The following RIMBP2 variants were observed in gnomAD, a reference collection of about 807,000 sequenced individuals.
RIMBP2 encodes RIMS binding protein 2, also known as RIMS-binding protein 2.
Under a neutral mutation model 118.6 loss-of-function variants are expected in RIMBP2, and 48 were observed. That is an observed-to-expected ratio of 0.40 (90% CI 0.32 to 0.51). The LOEUF (loss-of-function observed/expected upper bound fraction) is 0.51. Among genes scored for constraint, RIMBP2 ranks in the 20% least tolerant of loss-of-function variants. RIMBP2 has a pLI of 0.41. For synonymous variants in RIMBP2, 762 were observed against 742.9 expected, an observed-to-expected ratio of 1.03 and a Z score of -0.42; for missense variants, 1,551 against 1,768.3, an observed-to-expected ratio of 0.88 and a Z score of 2.20.
At position 130,428,343 on chromosome 12, in the gene RIMBP2, G is replaced by A; in HGVS notation, c.2254-6C>T. ...TCTCCATGGCAACAGTGCGGCTGGG[G>A]GCCAAGAAAAGGGGCTACTGAGCGG... is the stretch of plus-strand genomic sequence containing the variant. On this transcript the variant is annotated splice_region_variant and splice_polypyrimidine_tract_variant and intron_variant, in intron 14 of 22. Coordinates refer to ENST00000690449, the MANE Select transcript of RIMBP2 (RefSeq NM_001393629.1). 2 of 1,601,154 alleles carry A rather than the reference G, an allele frequency of 1.2e-6. No homozygotes were observed. Among genetic ancestry groups the A allele is most frequent in the Non-Finnish European group, 1.7e-6 (2 of 1,173,350 alleles).
intron 1 of RIMBP2, among the ~76,000 whole-genome samples, chr12:130,632,387 G>A (rs1461276297): frequency 6.9e-6 from 1 of 144,302 alleles, no homozygotes; most frequent in East Asian, 1.9e-4. Context: ...TGCAAGTGAT[G>A]TACATTTTTT....
chr12:130,481,366 G>A (rs546631082), intron 4 of RIMBP2, among the ~76,000 whole-genome samples: 44 of 152,284 alleles, frequency 2.9e-4, no homozygotes, highest in Non-Finnish European at 2.4e-4. Context: ...TCTGCAAAGC[G>A]CTGTGGTTGG....
At chr12:130,667,686 T>A (rs1405072315) in intron 1 of RIMBP2, 1 of 152,192 alleles carries the variant, frequency 6.6e-6, no homozygotes, top group Non-Finnish European at 1.5e-5. Flanking sequence ...ATTAGAGGTT[T>A]GGGGCTTGGA....
chr12:130,535,015 G>A (rs2053862890), intron 2 of RIMBP2, among the ~76,000 whole-genome samples: 1 of 152,154 alleles, frequency 6.6e-6, no homozygotes, highest in Non-Finnish European at 1.5e-5. Flanking sequence ...GGTGACTAAG[G>A]AAAGCCTGTC....
At chr12:130,627,474 G>A (rs1196239241) in intron 2 of RIMBP2, among the ~76,000 whole-genome samples, 1 of 152,208 alleles carries the variant, frequency 6.6e-6, no homozygotes, top group Non-Finnish European at 1.5e-5. Context: ...AAGGAATGAA[G>A]AAACCAGCCT....
At chr12:130,598,262 C>A (rs542338177) in intron 2 of RIMBP2, among the ~76,000 whole-genome samples, 2 of 152,068 alleles carry the variant, frequency 1.3e-5, no homozygotes, top group African/African-American at 2.4e-5. Flanking sequence ...AGATATCTTG[C>A]GTTTGTGGAT....
intron 4 of RIMBP2, among the ~76,000 whole-genome samples, chr12:130,500,271 A>G (rs1877979): frequency 0.39 from 59,806 of 151,944 alleles, 12,221 homozygotes; most frequent in East Asian, 0.5. Flanking sequence ...CAGCCTGACC[A>G]ACACGGGGAA....
At chr12:130,427,097 G>A (rs1044742491) in intron 15 of RIMBP2, 13 of 152,228 alleles carry the variant, frequency 8.5e-5, no homozygotes, top group South Asian at 2.1e-4. Context: ...CCAAGGCCCT[G>A]CCAGGGGCCT....
At chr12:130,698,158 A>T (rs1250868896) in intron 1 of RIMBP2, among the ~76,000 whole-genome samples, 2 of 152,164 alleles carry the variant, frequency 1.3e-5, no homozygotes, top group Non-Finnish European at 2.9e-5. Context: ...GCAGCAGAGT[A>T]ACAGACCCCA....
intron 7 of RIMBP2, among the ~76,000 whole-genome samples, chr12:130,454,293 G>GA (rs1364161419): frequency 6.6e-6 from 1 of 152,210 alleles, no homozygotes; most frequent in Non-Finnish European, 1.5e-5. Context: ...CTCAAAGTTG[G>GA]AAAAAATGTA....
chr12:130,453,676 G>C (rs1032902404), intron 7 of RIMBP2, among the ~76,000 whole-genome samples: 1 of 152,218 alleles, frequency 6.6e-6, no homozygotes, highest in African/African-American at 2.4e-5. Flanking sequence ...GGTTTCCAGG[G>C]GCCGGGCCGG....
chr12:130,646,178 T>G (rs61936792), intron 1 of RIMBP2, among the ~76,000 whole-genome samples: 240 of 10,578 alleles, frequency 0.023, 10 homozygotes, highest in Non-Finnish European at 0.04. Context: ...CACCTGCCTC[T>G]CCACCTCCCT....
intron 2 of RIMBP2, among the ~76,000 whole-genome samples, chr12:130,557,363 C>T (rs10848146): frequency 0.42 from 64,449 of 152,096 alleles, 14,901 homozygotes; most frequent in Non-Finnish European, 0.52. Context: ...CTGCCAGTTG[C>T]TCCAGCAGCC....
intron 14 of RIMBP2, among the ~76,000 whole-genome samples, chr12:130,430,832 T>C (rs1447718050): frequency 1.3e-5 from 2 of 152,044 alleles, no homozygotes; most frequent in African/African-American, 2.4e-5. Flanking sequence ...AGTTTCACCA[T>C]GTTGGCCTGG....
intron 11 of RIMBP2, among the ~76,000 whole-genome samples, 160 bp downstream of exon 11, chr12:130,441,688 C>T (rs1408138334): frequency 7.2e-5 from 11 of 152,208 alleles, no homozygotes. Flanking sequence ...TGCACACGCA[C>T]ACACGTTCTG....
At chr12:130,463,388 CAG>C (rs1188276738) in intron 6 of RIMBP2, among the ~76,000 whole-genome samples, 2 of 152,312 alleles carry the variant, frequency 1.3e-5, no homozygotes, top group East Asian at 1.9e-4. Flanking sequence ...GAACAGATGG[CAG>C]AGTCATCAGG....
In RIMBP2 at chr12:130,450,860, C is replaced by A. The variant is rs1593345621; in HGVS notation, c.504+335G>T. On this transcript the variant is annotated intron_variant, in intron 8 of 22. Coordinates refer to ENST00000690449, the MANE Select transcript of RIMBP2 (RefSeq NM_001393629.1). The surrounding 1 kb of genome is among the most constrained non-coding windows in gnomAD (Gnocchi z 4.8). ...CAGGACAGGACGCGCAGGGCCCTCCCCAACCTCCACAGGCCCCTCCCGGCC... is the reference window on the plus strand; with the variant it reads ...CAGGACAGGACGCGCAGGGCCCTCCACAACCTCCACAGGCCCCTCCCGGCC... Among the ~76,000 whole-genome samples, 1 of 152,164 alleles carries A rather than the reference C, an allele frequency of 6.6e-6. No individual in the cohort carries two copies. Among genetic ancestry groups the A allele is most frequent in the East Asian group, 1.9e-4 (1 of 5,172 alleles).
At chr12:130,432,140 T>A (rs7966010) in intron 14 of RIMBP2, 2 of 442,826 alleles carry the variant, frequency 4.5e-6, no homozygotes, top group South Asian at 1.6e-5. Context: ...GGGTTTGTAA[T>A]CTGAGCAGAT....
chr12:130,646,087 T>G (rs199849081), intron 1 of RIMBP2, among the ~76,000 whole-genome samples: 2 of 60,504 alleles, frequency 3.3e-5, no homozygotes, highest in South Asian at 5.5e-4. Flanking sequence ...CCCTCACCAC[T>G]TCCCTCTCCA....
Sources: gnomAD v4.1 joint callset for allele counts (sites outside exome capture counted in the v4.1 genomes callset) on GRCh38, gnomAD v4.1.1 for gene constraint, Gnocchi (gnomAD v3.1) non-coding constraint, MANE v1.5 for transcripts, NCBI Gene and HGNC (gene_info 2026-07-23, HGNC 2026-07-21) for gene names.